SPATA17: variants seen among roughly 807,000 people sequenced by gnomAD.
SPATA17 encodes the protein spermatogenesis associated 17.
Under a neutral mutation model 62.2 loss-of-function variants are expected in SPATA17, and 53 were observed. That is an observed-to-expected ratio of 0.85 (90% CI 0.68 to 1.07). The LOEUF (loss-of-function observed/expected upper bound fraction) is 1.07, where lower values mean the gene tolerates loss of function less well. Ranked by LOEUF, SPATA17 falls within the 50% of genes least tolerant of loss-of-function variation. The pLI, the probability that SPATA17 is intolerant of heterozygous loss-of-function variation, is 0.00. For synonymous variants in SPATA17, 146 were observed against 146.8 expected (o/e 0.99, Z 0.04); for missense variants, 466 against 425.5 (o/e 1.10, Z -0.84).
intron 9 of SPATA17, among the ~76,000 whole-genome samples, chr1:217,827,745 A>G (rs1455987227): frequency 6.6e-6 from 1 of 152,164 alleles, no homozygotes; most frequent in Non-Finnish European, 1.5e-5. Context: ...ACATGGATGA[A>G]GCTGGAAGCC....
intron 6 of SPATA17, among the ~76,000 whole-genome samples, chr1:217,755,919 T>C (rs567730907): frequency 1.3e-5 from 2 of 152,160 alleles, no homozygotes; most frequent in African/African-American, 4.8e-5. Context: ...GTATTAAAAT[T>C]TTTGAGTTTT....
chr1:217,698,209 C>T (rs537543784), intron 5 of SPATA17, among the ~76,000 whole-genome samples: 15 of 152,092 alleles, frequency 9.9e-5, no homozygotes, highest in Admixed American at 3.3e-4. Context: ...GAGGCTGAGG[C>T]GGGCAGATCA....
At chr1:217,837,852 T>C (rs1267829321) in intron 9 of SPATA17, among the ~76,000 whole-genome samples, 2 of 152,160 alleles carry the variant, frequency 1.3e-5, no homozygotes, top group African/African-American at 4.8e-5. Flanking sequence ...AATTCCAGAA[T>C]TGCTCTGTTT....
At chr1:217,814,502 G>A (rs1026428562) in intron 9 of SPATA17, among the ~76,000 whole-genome samples, 11 of 152,104 alleles carry the variant, frequency 7.2e-5, no homozygotes, top group African/African-American at 2.7e-4. Context: ...CTTTCTGGAA[G>A]TTTTTAGTCC....
chr1:217,743,750 C>A (rs1360638218), intron 6 of SPATA17, among the ~76,000 whole-genome samples: 1 of 151,976 alleles, frequency 6.6e-6, no homozygotes, highest in Non-Finnish European at 1.5e-5. Flanking sequence ...GCTGAGATTA[C>A]AGGCATCCAC....
intron 3 of SPATA17, among the ~76,000 whole-genome samples, chr1:217,657,622 G>A (rs1309763761): frequency 6.6e-6 from 1 of 152,040 alleles, no homozygotes; most frequent in Non-Finnish European, 1.5e-5. Flanking sequence ...TGATCTTACA[G>A]TTATATACAA....
rs190017781 is a variant in SPATA17, at chr1:217,804,831, C to T, written c.1005+2981C>T. Reference sequence around the variant, plus strand: ...ATCAGGGAAATGCAAACAGAAACCACAATGAGCTATAACTTCACACATGTT... The same window carrying T: ...ATCAGGGAAATGCAAACAGAAACCATAATGAGCTATAACTTCACACATGTT... On this transcript the variant is annotated intron_variant, in intron 9 of 10. Coordinates refer to ENST00000366933, the MANE Select transcript of SPATA17 (RefSeq NM_138796.4). 6.4e-3 allele frequency among the ~76,000 whole-genome samples: 980 copies of T among 152,260 alleles called. 13 individuals carry two copies. The highest frequency in any genetic ancestry group is 0.028 in the South Asian group (133 of 4,832).
At chr1:217,756,345 T>G (rs1673041741) in intron 6 of SPATA17, among the ~76,000 whole-genome samples, 1 of 151,930 alleles carries the variant, frequency 6.6e-6, no homozygotes, top group Non-Finnish European at 1.5e-5. Flanking sequence ...AGGACAAATC[T>G]TATATACCAA....
intron 1 of SPATA17, among the ~76,000 whole-genome samples, chr1:217,637,430 A>T (rs1346083640): frequency 6.6e-6 from 1 of 152,176 alleles, no homozygotes; most frequent in African/African-American, 2.4e-5. Context: ...TGCCTTTCTA[A>T]GATCAGGTTG....
intron 5 of SPATA17, among the ~76,000 whole-genome samples, chr1:217,705,430 C>CTT (rs58138326): frequency 0.034 from 1,562 of 46,620 alleles, 620 homozygotes; most frequent in Non-Finnish European, 0.036. Context: ...TTCTAGTTGT[C>CTT]TTTTTTTTTT....
At chr1:217,808,335 C>T (rs1359304962) in intron 9 of SPATA17, among the ~76,000 whole-genome samples, 1 of 137,422 alleles carries the variant, frequency 7.3e-6, no homozygotes. Context: ...CCTTCACTAA[C>T]AATTAAAAAA....
intron 1 of SPATA17, among the ~76,000 whole-genome samples, chr1:217,637,865 CTG>C (rs1417846038): frequency 6.6e-6 from 1 of 152,160 alleles, no homozygotes; most frequent in East Asian, 1.9e-4. Flanking sequence ...AATCCTAACT[CTG>C]TATTACTTTA....
At chr1:217,793,463 G>T (rs915642223) in intron 8 of SPATA17, among the ~76,000 whole-genome samples, 2 of 151,860 alleles carry the variant, frequency 1.3e-5, no homozygotes, top group Non-Finnish European at 2.9e-5. Context: ...CTCGTGATCC[G>T]CCCGCCTCGG....
chr1:217,855,212 T>G (rs1454540255), intron 9 of SPATA17, among the ~76,000 whole-genome samples: 2 of 152,230 alleles, frequency 1.3e-5, no homozygotes, highest in African/African-American at 4.8e-5. Context: ...TCCCACAGAT[T>G]AACTACATGC....
At chr1:217,779,383 T>G (rs1673677197) in intron 7 of SPATA17, among the ~76,000 whole-genome samples, 1 of 151,932 alleles carries the variant, frequency 6.6e-6, no homozygotes. Flanking sequence ...TTTTATTCTC[T>G]TCTCTTCTAT....
At chr1:217,662,094 A>C (rs1571713856) in intron 3 of SPATA17, among the ~76,000 whole-genome samples, 1 of 152,308 alleles carries the variant, frequency 6.6e-6, no homozygotes, top group Non-Finnish European at 1.5e-5. Flanking sequence ...ATTTATCTGT[A>C]AAAACTAAAT....
intron 5 of SPATA17, among the ~76,000 whole-genome samples, chr1:217,734,072 T>C (rs1222318955): frequency 2.6e-5 from 4 of 152,206 alleles, no homozygotes; most frequent in African/African-American, 7.2e-5. Flanking sequence ...ATATTTTAGG[T>C]ATCTTAATAA....
intron 10 of SPATA17, among the ~76,000 whole-genome samples, chr1:217,864,618 T>C (rs1675970996): frequency 6.6e-6 from 1 of 152,100 alleles, no homozygotes; most frequent in South Asian, 2.1e-4. Flanking sequence ...AAACTGTTAA[T>C]GGTGGTTATC....
chr1:217,702,361 T>C (rs1484987362), intron 5 of SPATA17, among the ~76,000 whole-genome samples: 2 of 152,166 alleles, frequency 1.3e-5, no homozygotes, highest in African/African-American at 4.8e-5. Flanking sequence ...TTTTTTGTTG[T>C]TGTTGCTACA....
Sources: gnomAD v4.1 joint callset for allele counts (sites outside exome capture counted in the v4.1 genomes callset) on GRCh38, gnomAD v4.1.1 for gene constraint, MANE v1.5 for transcripts, NCBI Gene and HGNC (gene_info 2026-07-23, HGNC 2026-07-21) for gene names.